The following PARPBP variants were observed in gnomAD, a reference collection of about 807,000 sequenced individuals.
PARPBP encodes the protein PARP1 binding protein.
In PARPBP, 52 loss-of-function variants were observed where a neutral mutation model predicts 50.0. That is an observed-to-expected ratio of 1.04 (90% CI 0.83 to 1.31). PARPBP has a LOEUF of 1.31. Ranked by LOEUF, PARPBP falls within the 50% of genes most tolerant of loss-of-function variation. The probability of loss-of-function intolerance (pLI) is 0.00; values close to 1 mark genes in which losing one functional copy is unlikely to be tolerated. For synonymous variants in PARPBP, 244 were observed against 232.1 expected (o/e 1.05, Z -0.47); for missense variants, 697 against 672.0 (o/e 1.04, Z -0.41).
At chr12:102,125,243 A>C (rs777987910) in intron 2 of PARPBP, among the ~76,000 whole-genome samples, 44 of 152,304 alleles carry the variant, frequency 2.9e-4, no homozygotes, top group Admixed American at 3.3e-4. Flanking sequence ...TTCTAGGGAG[A>C]GATAGCTAGT....
intron 9 of PARPBP, among the ~76,000 whole-genome samples, chr12:102,189,370 G>C (rs1188824549): frequency 1.3e-5 from 2 of 152,210 alleles, no homozygotes; most frequent in Non-Finnish European, 2.9e-5. Flanking sequence ...AGAACTTTCA[G>C]TGATGGAAAT....
chr12:102,121,849 C>G (rs1436927017), intron 1 of PARPBP, among the ~76,000 whole-genome samples: 1 of 152,138 alleles, frequency 6.6e-6, no homozygotes, highest in African/African-American at 2.4e-5. Flanking sequence ...TGCTCTTTTA[C>G]TTTTAACTCA....
At chr12:102,149,020 C>G (rs1885833060) in intron 3 of PARPBP, 1 of 151,492 alleles carries the variant, frequency 6.6e-6, no homozygotes, top group Non-Finnish European at 1.5e-5. Flanking sequence ...TTGGTTTTGT[C>G]TACGTTAGAA....
intron 6 of PARPBP, among the ~76,000 whole-genome samples, chr12:102,171,081 C>T: frequency 6.6e-6 from 1 of 151,682 alleles, no homozygotes; most frequent in African/African-American, 2.4e-5. Flanking sequence ...GTGTCATCTC[C>T]TACAGTCACA....
intron 9 of PARPBP, among the ~76,000 whole-genome samples, chr12:102,189,228 C>T (rs1201698498): frequency 6.6e-6 from 1 of 152,154 alleles, no homozygotes; most frequent in Non-Finnish European, 1.5e-5. Flanking sequence ...TATAAAGTTG[C>T]CTATGGGTTC....
chr12:102,155,601 G>GGA (rs762635558), intron 4 of PARPBP, among the ~76,000 whole-genome samples: 1 of 123,560 alleles, frequency 8.1e-6, no homozygotes, highest in Non-Finnish European at 1.7e-5. Flanking sequence ...TGGTGGGGGG[G>GGA]GGGGGCGGGG....
At chr12:102,155,600 G>GGT (rs1555216786) in intron 4 of PARPBP, among the ~76,000 whole-genome samples, 5 of 125,222 alleles carry the variant, frequency 4.0e-5, no homozygotes, top group Non-Finnish European at 8.5e-5. Context: ...ATGGTGGGGG[G>GGT]GGGGGGCGGG....
intron 4 of PARPBP, among the ~76,000 whole-genome samples, chr12:102,155,594 T>TGGA (rs1555216732): frequency 0.047 from 1,921 of 40,484 alleles, 189 homozygotes; most frequent in East Asian, 0.41. Flanking sequence ...GAGAGCATGG[T>TGGA]GGGGGGGGGG....
At chr12:102,164,778 T>C (rs1451395340) in intron 5 of PARPBP, 170 bp downstream of exon 5, 1 of 630,666 alleles carries the variant, frequency 1.6e-6, no homozygotes, top group Non-Finnish European at 2.8e-6. Flanking sequence ...TCAAGTTTGG[T>C]AAAGGAGAAT....
intron 2 of PARPBP, among the ~76,000 whole-genome samples, chr12:102,146,210 A>G (rs1161795671): frequency 4.6e-5 from 7 of 152,180 alleles, no homozygotes; most frequent in Admixed American, 2.6e-4. Flanking sequence ...AATTGGAAAA[A>G]AATTACTTTA....
intron 2 of PARPBP, among the ~76,000 whole-genome samples, chr12:102,127,328 G>A (rs1882162162): frequency 6.6e-6 from 1 of 151,886 alleles, no homozygotes; most frequent in Non-Finnish European, 1.5e-5. Flanking sequence ...GGGAGGTTGA[G>A]GCTTGCTGTG....
chr12:102,183,366 A>T (rs186831830), intron 9 of PARPBP, among the ~76,000 whole-genome samples: 1 of 152,258 alleles, frequency 6.6e-6, no homozygotes, highest in East Asian at 1.9e-4. Flanking sequence ...AAAAGAGAAG[A>T]CTAATTTGTA....
At chr12:102,191,372 A>G (rs1361809847) in intron 9 of PARPBP, among the ~76,000 whole-genome samples, 2 of 152,200 alleles carry the variant, frequency 1.3e-5, no homozygotes, top group African/African-American at 2.4e-5. Flanking sequence ...TTTATATACA[A>G]TTAATATGTC....
chr12:102,162,380 G>T (rs56891648), intron 4 of PARPBP, among the ~76,000 whole-genome samples: 13 of 152,236 alleles, frequency 8.5e-5, no homozygotes, highest in African/African-American at 2.4e-5. Flanking sequence ...TTTAGAATTC[G>T]TGAGTCTGTT....
chr12:102,179,205 G>C (rs570413977), intron 8 of PARPBP, among the ~76,000 whole-genome samples: 1 of 152,160 alleles, frequency 6.6e-6, no homozygotes, highest in South Asian at 2.1e-4. Context: ...AATTAGCAAG[G>C]GTGTCTTTCT....
chr12:102,176,367 G>A (rs1407885437), intron 7 of PARPBP, among the ~76,000 whole-genome samples: 1 of 152,108 alleles, frequency 6.6e-6, no homozygotes, highest in Non-Finnish European at 1.5e-5. Context: ...TTAATACTAA[G>A]CATTGTATTA....
chr12:102,196,840 C>T lies in PARPBP; in HGVS notation c.*549C>T. ...ATAATTAATTGTTGCTATTTAATCC[C>T]ACATTTTTGGCAGGTGTAATTGAGC... On this transcript the variant is annotated 3_prime_UTR_variant, in exon 11 of 11. Transcript: ENST00000327680. The T allele has an allele frequency of 9.5e-7, 1 of 1,050,334 alleles. No homozygotes were observed. The highest frequency in any genetic ancestry group is 1.4e-6 in the Non-Finnish European group (1 of 700,492). The allele number at this position is 1,050,334 out of a possible 1,614,324, so 65.1% of individuals were successfully genotyped here. A position where few individuals can be genotyped will look rare whatever the true frequency, so the allele number is the denominator to read the frequency against.
chr12:102,197,393 G>T lies in PARPBP; in HGVS notation c.*1102G>T. The T allele has an allele frequency of 1.1e-6, 1 of 893,028 alleles. No homozygotes were observed. Among genetic ancestry groups the T allele is most frequent in the Non-Finnish European group, 1.7e-6 (1 of 585,538 alleles). The allele number at this position is 893,028 out of a possible 1,614,324, so 55.3% of individuals were successfully genotyped here. On this transcript the variant is annotated 3_prime_UTR_variant, in exon 11 of 11. Coordinates refer to ENST00000327680, the MANE Select transcript of PARPBP (RefSeq NM_017915.5). ...TGGCATGTAAGAAATATCGTCAGTC[G>T]TCCTAATGCATATTGTGACTGTTTG...
chr12:102,159,144 C>G (rs1342533023), intron 4 of PARPBP, among the ~76,000 whole-genome samples: 1 of 151,866 alleles, frequency 6.6e-6, no homozygotes, highest in African/African-American at 2.4e-5. Context: ...TCTTTTTTCC[C>G]CTCTGAGACG....
Sources: allele counts gnomAD v4.1 joint callset (sites outside exome capture counted in the v4.1 genomes callset), GRCh38; gene constraint gnomAD v4.1.1; transcripts MANE v1.5; gene names NCBI Gene and HGNC (gene_info 2026-07-23, HGNC 2026-07-21).